The following LRP1B variants were observed in gnomAD, a reference collection of about 807,000 sequenced individuals.
The protein encoded by LRP1B is low-density lipoprotein receptor-related protein 1B.
In LRP1B, 217 loss-of-function variants were observed where a neutral mutation model predicts 556.6. The observed-to-expected ratio is 0.39, with a 90% CI of 0.35 to 0.44. The LOEUF (loss-of-function observed/expected upper bound fraction) is 0.44, where lower values mean the gene tolerates loss of function less well. LRP1B is among the 20% of genes least tolerant of loss of function. The probability of loss-of-function intolerance (pLI) is 1.00; values close to 1 mark genes in which losing one functional copy is unlikely to be tolerated. For synonymous variants in LRP1B, 2,047 were observed against 1,865.8 expected (o/e 1.10, Z -2.50); for missense variants, 5,053 against 5,620.8 (o/e 0.90, Z 3.23).
chr2:141,149,707 G>C (rs1368396101), intron 7 of LRP1B, among the ~76,000 whole-genome samples: 1 of 152,088 alleles, frequency 6.6e-6, no homozygotes, highest in Non-Finnish European at 1.5e-5. Flanking sequence ...AGACAATTCA[G>C]AATTAGTTAC....
intron 1 of LRP1B, among the ~76,000 whole-genome samples, chr2:141,859,851 T>C (rs942209117): frequency 5.3e-5 from 8 of 152,184 alleles, no homozygotes; most frequent in Admixed American, 5.2e-4. Flanking sequence ...ACAGGTATTT[T>C]GTGTGATTTC....
intron 35 of LRP1B, among the ~76,000 whole-genome samples, chr2:140,732,415 G>A (rs1012681214): frequency 2.0e-5 from 3 of 151,912 alleles, no homozygotes; most frequent in Non-Finnish European, 2.9e-5. Context: ...TACCTTACCT[G>A]AACTGCATGA....
chr2:140,918,038 CAT>C (rs1694629768), intron 21 of LRP1B, among the ~76,000 whole-genome samples: 1 of 151,984 alleles, frequency 6.6e-6, no homozygotes, highest in Non-Finnish European at 1.5e-5. Context: ...TTTTAGAAGT[CAT>C]AAACATTTTG....
chr2:141,158,287 TG>T (rs1353387209), intron 7 of LRP1B, among the ~76,000 whole-genome samples: 1 of 152,194 alleles, frequency 6.6e-6, no homozygotes, highest in South Asian at 2.1e-4. Context: ...TGCAGCACTG[TG>T]TAATTTGAAG....
chr2:141,418,327 C>A (rs66815658), intron 3 of LRP1B, among the ~76,000 whole-genome samples: 45,460 of 151,930 alleles, frequency 0.3, 6,933 homozygotes, highest in Admixed American at 0.33. Context: ...TGTTATAACC[C>A]TTTTGCCCTA....
chr2:140,402,397 T>A (rs1198617619), intron 66 of LRP1B, among the ~76,000 whole-genome samples: 2 of 152,168 alleles, frequency 1.3e-5, no homozygotes, highest in South Asian at 4.1e-4. Context: ...ACTGCAGACA[T>A]GGCTGGGGCT....
chr2:140,943,014 C>T (rs1036046929), intron 20 of LRP1B, among the ~76,000 whole-genome samples: 5 of 151,898 alleles, frequency 3.3e-5, no homozygotes, highest in African/African-American at 1.2e-4. Context: ...AAACAAGAAC[C>T]AACTTTCTGT....
At chr2:141,006,895 C>T (rs1697591478) in intron 14 of LRP1B, among the ~76,000 whole-genome samples, 1 of 151,900 alleles carries the variant, frequency 6.6e-6, no homozygotes, top group South Asian at 2.1e-4. Flanking sequence ...CATCACCATA[C>T]ATGCAGTCCA....
intron 14 of LRP1B, among the ~76,000 whole-genome samples, chr2:141,012,572 A>C (rs1037713727): frequency 1.3e-5 from 2 of 152,014 alleles, no homozygotes; most frequent in African/African-American, 4.8e-5. Context: ...ATTCTTCTAA[A>C]AGATAATTTT....
At chr2:140,661,504 TAA>T (rs71408466) in intron 41 of LRP1B, among the ~76,000 whole-genome samples, 14,320 of 122,524 alleles carry the variant, frequency 0.12, 888 homozygotes, top group East Asian at 0.26. Flanking sequence ...TACAAATAAT[TAA>T]AAAAAAAAAA....
At chr2:141,166,860 C>T (rs184820514) in intron 7 of LRP1B, among the ~76,000 whole-genome samples, 2 of 142,370 alleles carry the variant, frequency 1.4e-5, no homozygotes, top group Admixed American at 7.3e-5. Flanking sequence ...GATTTAATAA[C>T]TGGAAAACAA....
At chr2:142,113,991 G>A (rs538170979) in intron 1 of LRP1B, among the ~76,000 whole-genome samples, 1 of 152,032 alleles carries the variant, frequency 6.6e-6, no homozygotes, top group Non-Finnish European at 1.5e-5. Context: ...AGTATGAACA[G>A]CCACCACCAA....
At chr2:141,656,571 G>T (rs1280181933) in intron 2 of LRP1B, among the ~76,000 whole-genome samples, 1 of 151,988 alleles carries the variant, frequency 6.6e-6, no homozygotes, top group South Asian at 2.1e-4. Flanking sequence ...CTAATTAAAT[G>T]ATAGTTTTAT....
At chr2:141,983,452 ATTTT>A (rs201246389) in intron 1 of LRP1B, among the ~76,000 whole-genome samples, 1 of 151,112 alleles carries the variant, frequency 6.6e-6, no homozygotes, top group East Asian at 1.9e-4. Context: ...ATAAAACTAT[ATTTT>A]TTTTTACTGA....
chr2:141,544,313 C>CTTCTTCTTCTTCTTCTT (rs1553533083), intron 2 of LRP1B, among the ~76,000 whole-genome samples: 862 of 25,100 alleles, frequency 0.034, 88 homozygotes, highest in South Asian at 0.054. Context: ...TCTTCTTCTT[C>CTTCTTCTTCTTCTTCTT]TTCTTCTTCT....
At chr2:140,940,470 T>C (rs1695366189) in intron 20 of LRP1B, among the ~76,000 whole-genome samples, 1 of 152,174 alleles carries the variant, frequency 6.6e-6, no homozygotes, top group South Asian at 2.1e-4. Flanking sequence ...AGTTAATGAC[T>C]TATAAGAAAA....
chr2:140,975,542 G>C (rs1258040942), intron 18 of LRP1B, among the ~76,000 whole-genome samples: 2 of 151,956 alleles, frequency 1.3e-5, no homozygotes, highest in Non-Finnish European at 2.9e-5. Context: ...GGCCAGCAAT[G>C]AGGGAGGAGA....
intron 2 of LRP1B, among the ~76,000 whole-genome samples, chr2:141,739,781 A>T (rs1693629171): frequency 6.6e-6 from 1 of 151,946 alleles, no homozygotes; most frequent in South Asian, 2.1e-4. Flanking sequence ...ACCCACATGC[A>T]TGGACTCAGC....
chr2:141,295,073 A>G (rs1686131076), intron 3 of LRP1B, among the ~76,000 whole-genome samples: 1 of 152,108 alleles, frequency 6.6e-6, no homozygotes, highest in African/African-American at 2.4e-5. Context: ...TCTTTGTATG[A>G]TATTTCTAGA....
Sources: gnomAD v4.1 joint callset for allele counts (sites outside exome capture counted in the v4.1 genomes callset) on GRCh38, gnomAD v4.1.1 for gene constraint, MANE v1.5 for transcripts, NCBI Gene and HGNC (gene_info 2026-07-23, HGNC 2026-07-21) for gene names.